Variants in C14orf132 observed in about 807,000 individuals in gnomAD.
C14orf132 encodes the protein chromosome 14 open reading frame 132.
Under a neutral mutation model 5.8 loss-of-function variants are expected in C14orf132, and 6 were observed. That is an observed-to-expected ratio of 1.03 (90% CI 0.57 to 2.04). The LOEUF is 2.04. C14orf132 is among the 30% of genes most tolerant of loss of function. C14orf132 has a pLI of 0.00. For synonymous variants in C14orf132, 51 were observed against 49.8 expected (o/e 1.02, Z -0.10); for missense variants, 125 against 115.8 (o/e 1.08, Z -0.37).
intron 1 of C14orf132, among the ~76,000 whole-genome samples, chr14:96,057,885 T>C (rs1220187121): frequency 2.0e-5 from 3 of 152,130 alleles, no homozygotes; most frequent in Non-Finnish European, 1.5e-5. Context: ...GTCTCTTGGT[T>C]CCTGTCGCGG....
intron 1 of C14orf132, among the ~76,000 whole-genome samples, chr14:96,058,118 C>T (rs1452129166): frequency 1.3e-5 from 2 of 152,174 alleles, no homozygotes; most frequent in Non-Finnish European, 2.9e-5. Context: ...TTGAACCAGC[C>T]ACCTGGCTCC....
chr14:96,083,901 G>A (rs1000242850), intron 1 of C14orf132, among the ~76,000 whole-genome samples: 6 of 152,308 alleles, frequency 3.9e-5, no homozygotes, highest in South Asian at 2.1e-4. Flanking sequence ...ACCCTGACCC[G>A]TTTGGCAGGA....
intron 1 of C14orf132, among the ~76,000 whole-genome samples, chr14:96,085,022 G>C (rs1427828525): frequency 2.6e-5 from 4 of 152,198 alleles, no homozygotes; most frequent in Admixed American, 2.6e-4. Flanking sequence ...AGCCCATGGG[G>C]CTGCATGCAG....
chr14:96,063,564 C>T (rs535765218), intron 1 of C14orf132, among the ~76,000 whole-genome samples: 2 of 152,284 alleles, frequency 1.3e-5, no homozygotes, highest in East Asian at 3.9e-4. Context: ...CTGCCTCAGC[C>T]TCCCAAAATG....
chr14:96,073,800 G>A (rs556280332), intron 1 of C14orf132, among the ~76,000 whole-genome samples: 19 of 152,254 alleles, frequency 1.2e-4, no homozygotes, highest in South Asian at 4.1e-4. Flanking sequence ...AATGCCCATC[G>A]ATGATAGACT....
rs1204813872 is a variant in C14orf132, at chr14:96,063,734, T to C, written c.28-22777T>C. 2.6e-5 allele frequency among the ~76,000 whole-genome samples: 4 copies of C among 152,198 alleles called. No homozygotes were observed. In the Middle Eastern group the frequency reaches 0.01, roughly 388 times the overall value. ...AGATAAATAGCTGGGACCTAATTAT[T>C]CTAAAGAGCTTTTGCACGGCAAAAG... On this transcript the variant is annotated intron_variant, in intron 1 of 1. Coordinates refer to ENST00000555004, the MANE Select transcript of C14orf132 (RefSeq NM_001252507.3).
At chr14:96,071,151 G>A (rs931686772) in intron 1 of C14orf132, among the ~76,000 whole-genome samples, 3 of 152,146 alleles carry the variant, frequency 2.0e-5, no homozygotes, top group African/African-American at 4.8e-5. Context: ...CAATCATGGC[G>A]AAAGGGGAAG....
At chr14:96,082,125 A>T (rs759429556) in intron 1 of C14orf132, among the ~76,000 whole-genome samples, 1 of 152,088 alleles carries the variant, frequency 6.6e-6, no homozygotes, top group Non-Finnish European at 1.5e-5. Context: ...CACGCCCCCA[A>T]ATCTGCTCTG....
At position 96,091,581 on chromosome 14, in the gene C14orf132, C is replaced by T. The variant is rs968859254; in HGVS notation, c.*4846C>T. ...CAGCTGCCATCGGCCCGCTTTGCTT[C>T]GTCCTGGCAGATGCCCAGTGATTGT... On this transcript the variant is annotated 3_prime_UTR_variant, in exon 2 of 2. Coordinates refer to ENST00000555004, the MANE Select transcript of C14orf132 (RefSeq NM_001252507.3). The T allele has an allele frequency of 3.9e-5, 6 of 155,398 alleles. No homozygotes were observed. In the East Asian group the frequency reaches 7.5e-4, roughly 19 times the overall value. 9.6% of individuals were successfully genotyped at this position (155,398 alleles called of 1,614,324 possible).
chr14:96,064,971 G>A (rs951382811), intron 1 of C14orf132, among the ~76,000 whole-genome samples: 1 of 152,184 alleles, frequency 6.6e-6, no homozygotes, highest in African/African-American at 2.4e-5. Flanking sequence ...CACACACATG[G>A]TGCCACCTCC....
chr14:96,045,848 G>A lies in C14orf132; in HGVS notation c.27+6321G>A, dbSNP rs79385250. Among the ~76,000 whole-genome samples, 11 of 152,352 alleles carry A rather than the reference G, an allele frequency of 7.2e-5. No homozygotes were observed. In the East Asian group the frequency reaches 2.1e-3, roughly 29 times the overall value. On this transcript the variant is annotated intron_variant, in intron 1 of 1. Transcript: ENST00000555004. Reference sequence around the variant, plus strand: ...ACGATTTTGTGGGACCAGAATTGAGGAAGGGCTTGGCTAGACAGTTTGTTT... The same window carrying A: ...ACGATTTTGTGGGACCAGAATTGAGAAAGGGCTTGGCTAGACAGTTTGTTT...
intron 1 of C14orf132, among the ~76,000 whole-genome samples, chr14:96,058,233 C>CTGTCTGTGT (rs1887238464): frequency 6.6e-6 from 1 of 152,184 alleles, no homozygotes; most frequent in South Asian, 2.1e-4. Flanking sequence ...CTGTACACCT[C>CTGTCTGTGT]TGTCTGTGTC....
At chr14:96,064,464 A>G (rs1053084235) in intron 1 of C14orf132, among the ~76,000 whole-genome samples, 11 of 150,926 alleles carry the variant, frequency 7.3e-5, no homozygotes, top group South Asian at 2.1e-4. Flanking sequence ...ATATGTATGT[A>G]TATATATATA....
At position 96,039,895 on chromosome 14, in the gene C14orf132, G is replaced by T. The variant is rs995020363; in HGVS notation, c.27+368G>T. 5.3e-5 allele frequency among the ~76,000 whole-genome samples: 8 copies of T among 152,014 alleles called. No homozygotes were observed. Among genetic ancestry groups the T allele is most frequent in the Non-Finnish European group, 1.2e-4 (8 of 68,000 alleles). ...TCCAAGGCCGGGCCAGCTCAGACCC[G>T]CGCGAACGTGGATGGGCACACAGTC... On this transcript the variant is annotated intron_variant, in intron 1 of 1. Coordinates refer to ENST00000555004, the MANE Select transcript of C14orf132 (RefSeq NM_001252507.3). This position sits in a 1 kb window ranked among gnomAD's most constrained non-coding sequence, Gnocchi z 5.3.
chr14:96,069,179 G>GTATATATATATATATATGTATATA (rs527543816), intron 1 of C14orf132, among the ~76,000 whole-genome samples: 15 of 48,784 alleles, frequency 3.1e-4, no homozygotes, highest in African/African-American at 7.5e-4. Flanking sequence ...ATATATATAT[G>GTATATATATATATATATGTATATA]TATATATATA....
In C14orf132 at chr14:96,090,946, C is replaced by T. The variant is rs1566840664; in HGVS notation, c.*4211C>T. The T allele has an allele frequency of 2.2e-6, 1 of 456,122 alleles. No individual in the cohort carries two copies. Among genetic ancestry groups the T allele is most frequent in the Admixed American group, 2.3e-5 (1 of 42,580 alleles). The allele number at this position is 456,122 out of a possible 1,614,324, so 28.3% of individuals were successfully genotyped here. A position where few individuals can be genotyped will look rare whatever the true frequency, so the allele number is the denominator to read the frequency against. ...CTTCATTATTAGCAGTAATATTATT[C>T]CCAGTTATTATTCTTACCGGTGCCA... On this transcript the variant is annotated 3_prime_UTR_variant, in exon 2 of 2. Transcript: ENST00000555004.
At chr14:96,073,278 C>A (rs1020260922) in intron 1 of C14orf132, among the ~76,000 whole-genome samples, 2 of 152,114 alleles carry the variant, frequency 1.3e-5, no homozygotes, top group Admixed American at 6.5e-5. Flanking sequence ...GTATATATAT[C>A]TCTTGTTCAG....
chr14:96,085,947 GTC>G (rs1489689865), intron 1 of C14orf132, among the ~76,000 whole-genome samples: 1 of 148,838 alleles, frequency 6.7e-6, no homozygotes, highest in Non-Finnish European at 1.5e-5. Flanking sequence ...TTTTCTCTCT[GTC>G]TCTGTCTCTC....
At chr14:96,046,897 A>G (rs1468602149) in intron 1 of C14orf132, among the ~76,000 whole-genome samples, 1 of 152,192 alleles carries the variant, frequency 6.6e-6, no homozygotes, top group East Asian at 1.9e-4. Context: ...TATCTCTTGA[A>G]ACTGTCTTAG....
Sources: allele counts gnomAD v4.1 joint callset (sites outside exome capture counted in the v4.1 genomes callset), GRCh38; gene constraint gnomAD v4.1.1; non-coding constraint Gnocchi (gnomAD v3.1); transcripts MANE v1.5; gene names NCBI Gene and HGNC (gene_info 2026-07-23, HGNC 2026-07-21).